CNBD1: variants seen among roughly 807,000 people sequenced by gnomAD.
CNBD1 encodes cyclic nucleotide binding domain containing 1.
Under a neutral mutation model 54.4 loss-of-function variants are expected in CNBD1, and 71 were observed. The observed-to-expected ratio is 1.30, with a 90% CI of 1.08 to 1.59. The LOEUF is 1.59. Among genes scored for constraint, CNBD1 ranks in the 40% most tolerant of loss-of-function variants. The pLI is 0.00. For synonymous variants in CNBD1, 182 were observed against 170.7 expected, an observed-to-expected ratio of 1.07 and a Z score of -0.51; for missense variants, 659 against 518.0, an observed-to-expected ratio of 1.27 and a Z score of -2.64.
At chr8:87,335,207 G>C (rs1181963809) in intron 8 of CNBD1, among the ~76,000 whole-genome samples, 1 of 152,076 alleles carries the variant, frequency 6.6e-6, no homozygotes. Flanking sequence ...AGTTCTGTAG[G>C]TATCTATTAG....
intron 4 of CNBD1, among the ~76,000 whole-genome samples, chr8:86,982,967 G>A (rs1043608553): frequency 4.6e-5 from 7 of 152,138 alleles, no homozygotes. Flanking sequence ...AACTTTAAAA[G>A]TATGAGTTTC....
rs554522987 is a variant in CNBD1, at chr8:87,342,221, T to C, written c.1043-9464T>C. 4.3e-3 allele frequency among the ~76,000 whole-genome samples: 650 copies of C among 151,140 alleles called. 4 individuals are homozygous for C. The highest frequency in any genetic ancestry group is 0.031 in the Middle Eastern group (9 of 290). On this transcript the variant is annotated intron_variant, in intron 8 of 10. Coordinates refer to ENST00000518476, the MANE Select transcript of CNBD1 (RefSeq NM_173538.3). ...CCAGGAGGCAGAGCTTGCAGTGAGCTGAGATTGTGCCACTGCACTCCAGCC... is the reference window on the plus strand; with the variant it reads ...CCAGGAGGCAGAGCTTGCAGTGAGCCGAGATTGTGCCACTGCACTCCAGCC...
intron 5 of CNBD1, among the ~76,000 whole-genome samples, chr8:87,225,169 T>A (rs555273775): frequency 0.011 from 1,581 of 149,940 alleles, 31 homozygotes; most frequent in African/African-American, 0.036. Context: ...TTTCTAGATA[T>A]ACAATCATGT....
chr8:86,964,729 G>A (rs1808025941), intron 4 of CNBD1, among the ~76,000 whole-genome samples: 1 of 152,182 alleles, frequency 6.6e-6, no homozygotes, highest in African/African-American at 2.4e-5. Flanking sequence ...AACCTGGATA[G>A]GGAGGAGTGA....
intron 10 of CNBD1, among the ~76,000 whole-genome samples, chr8:87,381,126 A>C (rs1199387344): frequency 2.6e-5 from 4 of 152,084 alleles, no homozygotes; most frequent in Non-Finnish European, 4.4e-5. Flanking sequence ...AAATATTTGC[A>C]AACCGTGCAA....
chr8:86,925,084 A>T (rs1809335925), intron 3 of CNBD1, among the ~76,000 whole-genome samples: 1 of 152,180 alleles, frequency 6.6e-6, no homozygotes, highest in African/African-American at 2.4e-5. Flanking sequence ...AGATGACAGG[A>T]TTTCAATATT....
intron 4 of CNBD1, among the ~76,000 whole-genome samples, chr8:87,106,886 G>A (rs1341801678): frequency 3.3e-5 from 5 of 152,124 alleles, no homozygotes; most frequent in Non-Finnish European, 1.5e-5. Flanking sequence ...CTGGAGTGCA[G>A]TGGTGTGATC....
At chr8:87,368,153 T>C (rs1024424783) in intron 10 of CNBD1, among the ~76,000 whole-genome samples, 47 of 128,364 alleles carry the variant, frequency 3.7e-4, no homozygotes, top group Admixed American at 2.4e-3. Context: ...CAGAGCGAGA[T>C]TCCATCTAAA....
Position 86,905,072 on chromosome 8 carries a change from C to T in CNBD1, c.159-9C>T, listed in dbSNP as rs763677489. On this transcript the variant is annotated splice_polypyrimidine_tract_variant and intron_variant, in intron 2 of 10. Coordinates refer to ENST00000518476, the MANE Select transcript of CNBD1 (RefSeq NM_173538.3). ...ACACTTACAATTTAATTTCTCTCTT[C>T]TTTTTAAGCCGGAGTATGAGCAATA... 2.1e-5 allele frequency: 33 copies of T among 1,557,366 alleles called. No individual in the cohort carries two copies. In the Admixed American group the frequency reaches 2.2e-4, roughly 11 times the overall value.
At chr8:87,403,814 A>T (rs1177211722) in intron 2 of CNBD1, among the ~76,000 whole-genome samples, 1 of 151,980 alleles carries the variant, frequency 6.6e-6, no homozygotes, top group East Asian at 1.9e-4. Flanking sequence ...AAATCATTTG[A>T]GTTTTAGCAA....
At chr8:87,074,785 CT>C (rs1810834125) in intron 4 of CNBD1, among the ~76,000 whole-genome samples, 1 of 152,180 alleles carries the variant, frequency 6.6e-6, no homozygotes, top group African/African-American at 2.4e-5. Context: ...AGGTGAGAAC[CT>C]GGATATTTCA....
Position 87,083,644 on chromosome 8 carries a change from G to A in CNBD1, c.432-122349G>A, listed in dbSNP as rs569950076. Among the ~76,000 whole-genome samples, 7 of 145,932 alleles carry A rather than the reference G, an allele frequency of 4.8e-5. No homozygotes were observed. In the South Asian group the frequency reaches 8.8e-4, roughly 18 times the overall value. ...GACTCTGTGTCCCAGGCTGGAGTGC[G>A]GTGGCTGGATCTCGGCTAAGTGCAA... On this transcript the variant is annotated intron_variant, in intron 4 of 10. Coordinates refer to ENST00000518476, the MANE Select transcript of CNBD1 (RefSeq NM_173538.3).
intron 4 of CNBD1, among the ~76,000 whole-genome samples, chr8:87,051,931 G>A (rs1246901478): frequency 1.3e-5 from 2 of 152,208 alleles, no homozygotes; most frequent in Non-Finnish European, 2.9e-5. Context: ...TGGACCATCT[G>A]TGAGACTGGC....
intron 4 of CNBD1, among the ~76,000 whole-genome samples, chr8:87,103,112 G>C (rs763551459): frequency 6.6e-6 from 1 of 152,134 alleles, no homozygotes; most frequent in Non-Finnish European, 1.5e-5. Flanking sequence ...TAGATTTAAA[G>C]TTTCACCAAA....
In CNBD1 at chr8:87,307,748, T is replaced by TTATATATATATATA. The variant is rs35262193; in HGVS notation, c.1042+21082_1042+21095dup. On this transcript the variant is annotated intron_variant, in intron 8 of 10. Coordinates refer to ENST00000518476, the MANE Select transcript of CNBD1 (RefSeq NM_173538.3). ...GTGAAACTCCGTCTCAAAAAAAAAA[T>TTATATATATATATA]TATATATATATATATATAACTTAGC... Among the ~76,000 whole-genome samples the TTATATATATATATA allele has an allele frequency of 2.0e-3, 275 of 138,054 alleles. 3 individuals carry two copies. The highest frequency in any genetic ancestry group is 3.1e-3 in the African/African-American group (107 of 34,972). The allele number at this position is 138,054 out of a possible 152,430, so 90.6% of individuals were successfully genotyped here.
At chr8:86,956,656 T>C (rs1239755984) in intron 4 of CNBD1, among the ~76,000 whole-genome samples, 1 of 152,218 alleles carries the variant, frequency 6.6e-6, no homozygotes, top group African/African-American at 2.4e-5. Context: ...ATAGGAATGC[T>C]TGTGATTTTT....
At chr8:87,172,423 G>A (rs1039980644) in intron 4 of CNBD1, among the ~76,000 whole-genome samples, 3 of 151,934 alleles carry the variant, frequency 2.0e-5, no homozygotes, top group African/African-American at 7.2e-5. Context: ...ATCTTTCTTT[G>A]TTGATTTTCT....
At chr8:87,334,895 T>C (rs1008987213) in intron 8 of CNBD1, among the ~76,000 whole-genome samples, 2 of 151,882 alleles carry the variant, frequency 1.3e-5, no homozygotes. Context: ...AGCTAATTTT[T>C]TGTACTTTTA....
At chr8:87,137,437 C>T (rs1472736993) in intron 4 of CNBD1, among the ~76,000 whole-genome samples, 1 of 151,572 alleles carries the variant, frequency 6.6e-6, no homozygotes, top group Non-Finnish European at 1.5e-5. Flanking sequence ...CTCCTGACTT[C>T]GTGATCCGCC....
Sources: allele counts gnomAD v4.1 joint callset (sites outside exome capture counted in the v4.1 genomes callset), GRCh38; gene constraint gnomAD v4.1.1; transcripts MANE v1.5; gene names NCBI Gene and HGNC (gene_info 2026-07-23, HGNC 2026-07-21).